FSTL5: variants seen among roughly 807,000 people sequenced by gnomAD.
The protein encoded by FSTL5 is follistatin like 5.
Under a neutral mutation model 89.1 loss-of-function variants are expected in FSTL5, and 62 were observed. That is an observed-to-expected ratio of 0.70 (90% confidence interval 0.57 to 0.86). FSTL5 has a LOEUF of 0.86. Among genes scored for constraint, FSTL5 ranks in the 40% least tolerant of loss-of-function variants. The pLI is 0.00. For missense variants in FSTL5, 1,057 were observed against 1,001.6 expected (o/e 1.06, Z -0.75); for synonymous variants, 383 against 346.2 (o/e 1.11, Z -1.18).
In FSTL5 at chr4:161,607,744, A is replaced by G. The variant is rs143477652; in HGVS notation, c.895-20169T>C. On this transcript the variant is annotated intron_variant, in intron 7 of 15. Transcript: ENST00000306100. ...GCCGCTTCTAATCTTAAATCAGTCAACTCACCAGTTCAATGTATGCTTATG... is the reference window on the plus strand; with the variant it reads ...GCCGCTTCTAATCTTAAATCAGTCAGCTCACCAGTTCAATGTATGCTTATG... Among the ~76,000 whole-genome samples, 345 of 152,218 alleles carry G rather than the reference A, an allele frequency of 2.3e-3. 1 individual carries two copies. The highest frequency in any genetic ancestry group is 7.9e-3 in the African/African-American group (327 of 41,542).
intron 3 of FSTL5, among the ~76,000 whole-genome samples, chr4:161,994,056 A>C (rs531087871): frequency 3.9e-5 from 6 of 151,980 alleles, no homozygotes; most frequent in African/African-American, 1.4e-4. Flanking sequence ...CTCGCTTTCA[A>C]CCTCATGAGG....
intron 4 of FSTL5, among the ~76,000 whole-genome samples, chr4:161,858,858 C>T (rs953895627): frequency 2.0e-5 from 3 of 152,166 alleles, no homozygotes; most frequent in Admixed American, 6.5e-5. Flanking sequence ...TTTTGTTAAA[C>T]CCCATTCTGT....
chr4:162,066,327 T>G (rs1738903707), intron 2 of FSTL5, among the ~76,000 whole-genome samples: 1 of 110,072 alleles, frequency 9.1e-6, no homozygotes, highest in South Asian at 3.7e-4. Flanking sequence ...CTTCTTCTTC[T>G]TCTTCTTCTT....
intron 1 of FSTL5, among the ~76,000 whole-genome samples, chr4:162,163,082 G>C (rs1733753961): frequency 6.6e-6 from 1 of 152,062 alleles, no homozygotes; most frequent in Non-Finnish European, 1.5e-5. Flanking sequence ...TGATGTAAAT[G>C]TTTCTATACC....
intron 10 of FSTL5, among the ~76,000 whole-genome samples, chr4:161,531,312 C>T (rs1731404647): frequency 6.6e-6 from 1 of 152,142 alleles, no homozygotes; most frequent in Middle Eastern, 3.2e-3. Flanking sequence ...TATCATATTT[C>T]TGGCAAATGT....
At chr4:161,432,370 A>C (rs2126343580) in intron 15 of FSTL5, among the ~76,000 whole-genome samples, 1 of 152,264 alleles carries the variant, frequency 6.6e-6, no homozygotes, top group Non-Finnish European at 1.5e-5. Context: ...GAGTCAATGA[A>C]GAAATTAAGA....
chr4:161,511,439 A>G (rs1730648216), intron 10 of FSTL5, among the ~76,000 whole-genome samples: 1 of 152,124 alleles, frequency 6.6e-6, no homozygotes, highest in South Asian at 2.1e-4. Flanking sequence ...ATTTATTCAA[A>G]CATAAATACA....
At chr4:162,143,739 CACACACA>C (rs747630378) in intron 1 of FSTL5, among the ~76,000 whole-genome samples, 18 of 134,940 alleles carry the variant, frequency 1.3e-4, no homozygotes, top group Non-Finnish European at 1.9e-4. Flanking sequence ...CACACACACA[CACACACA>C]CACCCAGGAA....
intron 8 of FSTL5, among the ~76,000 whole-genome samples, chr4:161,575,752 C>T (rs186768281): frequency 1.7e-3 from 257 of 152,214 alleles, no homozygotes; most frequent in Non-Finnish European, 3.1e-3. Flanking sequence ...CGTGCACGGC[C>T]GCCTAGGTTT....
chr4:161,465,742 A>G (rs1209824367), intron 13 of FSTL5, among the ~76,000 whole-genome samples: 1 of 152,202 alleles, frequency 6.6e-6, no homozygotes, highest in African/African-American at 2.4e-5. Flanking sequence ...ATTATTCTGT[A>G]AGATTTTATT....
chr4:161,786,260 T>C (rs1166691543), intron 4 of FSTL5, among the ~76,000 whole-genome samples: 2 of 152,112 alleles, frequency 1.3e-5, no homozygotes, highest in African/African-American at 4.8e-5. Context: ...TCAATCGTTG[T>C]AGTGGGTTAA....
chr4:162,047,904 AAAG>A (rs2111248812), intron 2 of FSTL5, among the ~76,000 whole-genome samples: 1 of 152,278 alleles, frequency 6.6e-6, no homozygotes, highest in East Asian at 1.9e-4. Context: ...AAAATAAGTA[AAAG>A]AATATTTGAC....
Position 161,579,681 on chromosome 4 carries a change from C to T in FSTL5, c.1015+7774G>A, listed in dbSNP as rs565005969. On this transcript the variant is annotated intron_variant, in intron 8 of 15. Coordinates refer to ENST00000306100, the MANE Select transcript of FSTL5 (RefSeq NM_020116.5). Reference sequence around the variant, plus strand: ...GCAGTGAGCCAAGATCGTGCCATTGCACTCCAGCCTGGGCGATGGCGCAAG... The same window carrying T: ...GCAGTGAGCCAAGATCGTGCCATTGTACTCCAGCCTGGGCGATGGCGCAAG... 3.1e-3 allele frequency among the ~76,000 whole-genome samples: 464 copies of T among 148,068 alleles called. 1 individual carries two copies. Among genetic ancestry groups the T allele is most frequent in the Non-Finnish European group, 5.3e-3 (358 of 67,616 alleles).
At chr4:161,608,228 A>G (rs1243825283) in intron 7 of FSTL5, among the ~76,000 whole-genome samples, 1 of 152,174 alleles carries the variant, frequency 6.6e-6, no homozygotes. Context: ...ATCATAAGGA[A>G]TATATAACTT....
In FSTL5 at chr4:161,476,181, T is replaced by TTTTCG. The variant is rs779321186; in HGVS notation, c.1608+4838_1608+4839insCGAAA. Reference sequence around the variant, plus strand: ...CTTCTTCAAGTTTGCTGGTTTTTTTTTTTTTTTGTTTGTTTGTTTTTTTGA... The same window carrying TTTTCG: ...CTTCTTCAAGTTTGCTGGTTTTTTTTTTTCGTTTTTTTGTTTGTTTGTTTTTTTGA... On this transcript the variant is annotated intron_variant, in intron 13 of 15. Transcript: ENST00000306100. Among the ~76,000 whole-genome samples the TTTTCG allele has an allele frequency of 5.1e-5, 6 of 117,820 alleles. No individual in the cohort carries two copies. In the East Asian group the frequency reaches 1.7e-3, roughly 33 times the overall value. 77.3% of individuals were successfully genotyped at this position (117,820 alleles called of 152,430 possible).
At chr4:161,490,524 T>C (rs775788293) in intron 12 of FSTL5, among the ~76,000 whole-genome samples, 3 of 152,156 alleles carry the variant, frequency 2.0e-5, no homozygotes, top group Non-Finnish European at 4.4e-5. Context: ...GTACAGTATA[T>C]CACTTAGGAA....
Position 161,978,359 on chromosome 4 carries a change from C to A in FSTL5, c.160+55266G>T, listed in dbSNP as rs145240604. On this transcript the variant is annotated intron_variant, in intron 3 of 15. Transcript: ENST00000306100. ...AACAAAAGAAAACAAAACAAAAAAC[C>A]CTTTTACTGGGCACTTAAGGTTATT... Among the ~76,000 whole-genome samples, 195 of 151,942 alleles carry A rather than the reference C, an allele frequency of 1.3e-3. 2 individuals are homozygous for A. The highest frequency in any genetic ancestry group is 3.8e-3 in the African/African-American group (156 of 41,454).
At chr4:161,929,243 GC>G (rs1407169845) in intron 3 of FSTL5, among the ~76,000 whole-genome samples, 2 of 84,134 alleles carry the variant, frequency 2.4e-5, no homozygotes, top group Non-Finnish European at 5.1e-5. Context: ...AATTAGCTTT[GC>G]TTTTTTTTTT....
At chr4:161,667,495 T>C (rs1455097658) in intron 6 of FSTL5, among the ~76,000 whole-genome samples, 1 of 152,070 alleles carries the variant, frequency 6.6e-6, no homozygotes, top group Non-Finnish European at 1.5e-5. Flanking sequence ...GTAGGTAACA[T>C]TATAATGTTG....
Sources: gnomAD v4.1 joint callset for allele counts (sites outside exome capture counted in the v4.1 genomes callset) on GRCh38, gnomAD v4.1.1 for gene constraint, MANE v1.5 for transcripts, NCBI Gene and HGNC (gene_info 2026-07-23, HGNC 2026-07-21) for gene names.